Variants in TCOF1 observed in about 807,000 individuals in gnomAD.
TCOF1 encodes treacle ribosome biogenesis factor 1, also known as treacle protein.
In TCOF1, 33 loss-of-function variants were observed where a neutral mutation model predicts 149.0. The observed-to-expected ratio is 0.22, with a 90% CI of 0.17 to 0.30. The LOEUF is 0.30. Among genes scored for constraint, TCOF1 ranks in the 10% least tolerant of loss-of-function variants. The probability of loss-of-function intolerance (pLI) is 1.00; values close to 1 mark genes in which losing one functional copy is unlikely to be tolerated. For synonymous variants in TCOF1, 789 were observed against 738.8 expected (o/e 1.07, Z -1.10); for missense variants, 1,728 against 1,840.7 (o/e 0.94, Z 1.12).
rs376917905 is a variant in TCOF1, at chr5:150,375,157, A to C, written c.1482A>C (p.Ala494=). 2 of 1,613,298 alleles carry C rather than the reference A, an allele frequency of 1.2e-6. No homozygotes were observed. Among genetic ancestry groups the C allele is most frequent in the African/African-American group, 2.7e-5 (2 of 74,814 alleles). Residue 494 remains alanine, a synonymous_variant, in exon 10 of 27, where the codon GCA becomes GCC. Transcript: ENST00000643257. ...GAGAGGCACTGGCAGCCATGAATGC[A>C]GCTCAGGTGAGGCTGGAAGCCGCCC... ...SDREALAAMN[A]AQVKPLGKSP...
rs1766615072 is a variant in TCOF1 at position 150,387,951 on chromosome 5, G to A, written c.2909G>A (p.Gly970Asp). Residue 970 changes from glycine to aspartate, a missense_variant, in exon 18 of 27, where the codon GGC becomes GAC. This residue lies in a region of TCOF1 where 1,696 missense variants were observed against 1,765.4 expected (regional missense o/e 0.96). Transcript: ENST00000643257. ...IFVDPNRSPA[G>D]PAATPAQAQA... is the part of the protein sequence containing the mutation. ...GTCGACCCTAATCGTAGTCCAGCTG[G>A]CCCAGCTGCTACACCCGCACAAGCC... 5 of 1,613,842 alleles carry A rather than the reference G, an allele frequency of 3.1e-6. No individual in the cohort carries two copies. The highest frequency in any genetic ancestry group is 1.3e-5 in the African/African-American group (1 of 74,888).
intron 14 of TCOF1, among the ~76,000 whole-genome samples, chr5:150,376,864 CTG>C (rs775010675): frequency 9.2e-5 from 14 of 152,246 alleles, no homozygotes; most frequent in Non-Finnish European, 1.9e-4. Context: ...TTCACAAGCT[CTG>C]GAGTTCCCAC....
At position 150,379,738 on chromosome 5, in the gene TCOF1, A is replaced by G. The variant is rs981874282; in HGVS notation, c.2859+6A>G. ...CAGCTGTGACCTCTGCCCAGGTAAG[A>G]CTTGCCAGGCCTCTGAGCCACCAAC... On this transcript the variant is annotated splice_donor_region_variant and intron_variant, in intron 17 of 26. Transcript: ENST00000643257. 18 of 1,613,310 alleles carry G rather than the reference A, an allele frequency of 1.1e-5. No homozygotes were observed. The highest frequency in any genetic ancestry group is 1.7e-5 in the Admixed American group (1 of 59,910).
At chr5:150,374,019 G>A (rs1367938849) in intron 7 of TCOF1, among the ~76,000 whole-genome samples, 155 bp from the exon 8 acceptor site, 4 of 152,134 alleles carry the variant, frequency 2.6e-5, no homozygotes, top group Admixed American at 2.6e-4. Flanking sequence ...GAAACCAGGA[G>A]GCCAGTGTGG....
chr5:150,380,070 C>CTAA, intron 17 of TCOF1: 1 of 97,186 alleles, frequency 1.0e-5, no homozygotes, highest in East Asian at 2.4e-4. Flanking sequence ...GAGACTGTCT[C>CTAA]AAAAAAAAAA....
At chr5:150,387,801 A>G in intron 17 of TCOF1, 101 bp from the exon 18 acceptor site, 1 of 1,534,400 alleles carries the variant, frequency 6.5e-7, no homozygotes, top group African/African-American at 1.4e-5. Context: ...CCCTGAGCTC[A>G]GTGGACCCTT....
intron 23 of TCOF1, 72 bp from the exon 24 acceptor site, chr5:150,396,210 T>G: frequency 6.4e-7 from 1 of 1,560,902 alleles, no homozygotes; most frequent in African/African-American, 1.4e-5. Context: ...CTGCACCCTC[T>G]TCGCTCTTAG....
intron 2 of TCOF1, among the ~76,000 whole-genome samples, chr5:150,363,301 G>A (rs1466201071): frequency 1.3e-5 from 2 of 152,162 alleles, no homozygotes; most frequent in African/African-American, 4.8e-5. Flanking sequence ...GCTTTCCTGG[G>A]AACAAGGGAC....
chr5:150,365,652 TAATC>T (rs900861425), intron 3 of TCOF1, among the ~76,000 whole-genome samples: 2 of 152,174 alleles, frequency 1.3e-5, no homozygotes, highest in African/African-American at 4.8e-5. Context: ...TATTTGGTAT[TAATC>T]AATTTTATAA....
Position 150,376,121 on chromosome 5 carries a change from C to T in TCOF1, c.1933C>T (p.Pro645Ser). ...ALKIPQTKAC[P>S]KKTNTTASAK... ...GAAAATTCCTCAGACCAAGGCCTGCCCAAAGAAAACCAATACCACTGCATC... is the reference window on the plus strand; with the variant it reads ...GAAAATTCCTCAGACCAAGGCCTGCTCAAAGAAAACCAATACCACTGCATC... The change falls in exon 13 of 27, where the codon CCA becomes TCA. Residue 645 changes from proline (P) to serine (S), a missense_variant. Pro to Ser is a moderately conservative substitution (Grantham distance 74). This residue lies in a region of TCOF1 where 1,696 missense variants were observed against 1,765.4 expected (regional missense o/e 0.96). Transcript: ENST00000643257. 2 of 1,614,216 alleles carry T rather than the reference C, an allele frequency of 1.2e-6. No homozygotes were observed. Among genetic ancestry groups the T allele is most frequent in the Non-Finnish European group, 1.7e-6 (2 of 1,180,044 alleles).
intron 17 of TCOF1, chr5:150,382,975 C>A: frequency 9.1e-7 from 1 of 1,101,360 alleles, no homozygotes; most frequent in Non-Finnish European, 1.3e-6. Flanking sequence ...AACCAGAGTG[C>A]CTGAGGGTCA....
intron 1 of TCOF1, among the ~76,000 whole-genome samples, chr5:150,359,600 T>G (rs1026790771): frequency 7.9e-5 from 12 of 152,154 alleles, no homozygotes; most frequent in African/African-American, 2.7e-4. Flanking sequence ...TAAAGGGTGA[T>G]GGGCCCTAAG....
chr5:150,374,576 G>A (rs749626536), intron 8 of TCOF1, 41 bp from the exon 9 acceptor site: 129 of 1,611,850 alleles, frequency 8.0e-5, no homozygotes, highest in Admixed American at 1.5e-4. Context: ...CTCCTCACAC[G>A]TCCATCCTCT....
chr5:150,395,922 CCTT>C (rs1768405025), intron 23 of TCOF1, among the ~76,000 whole-genome samples: 1 of 152,210 alleles, frequency 6.6e-6, no homozygotes, highest in African/African-American at 2.4e-5. Context: ...ACCCAGGTCT[CCTT>C]CCTCCCAGCT....
chr5:150,389,560 G>A (rs1023885112), intron 18 of TCOF1, among the ~76,000 whole-genome samples: 5 of 152,212 alleles, frequency 3.3e-5, no homozygotes, highest in African/African-American at 1.2e-4. Flanking sequence ...TAGGAGAGAC[G>A]ATTTTAACTG....
At chr5:150,390,131 A>T in intron 19 of TCOF1, 108 bp downstream of exon 19, 2 of 1,506,026 alleles carry the variant, frequency 1.3e-6, no homozygotes, top group Non-Finnish European at 1.8e-6. Context: ...TCACGCCCAC[A>T]CTCCAGAGGT....
At position 150,379,299 on chromosome 5, in the gene TCOF1, T is replaced by G; in HGVS notation, c.2549T>G (p.Val850Gly). 6.2e-7 allele frequency: 1 copy of G among 1,614,132 alleles called. No individual in the cohort carries two copies. The highest frequency in any genetic ancestry group is 8.5e-7 in the Non-Finnish European group (1 of 1,180,020). ...AGGGGCCCAGCATCTGTGCCATCTG[T>G]GGGGAAGGCCGTGGCTACAGCAGCT... ...LARGPASVPS[V>G]GKAVATAAQA... Residue 850 changes from valine (V) to glycine (G), a missense_variant, in exon 16 of 27, where the codon GTG (valine) becomes GGG (glycine). Around this residue, in one of 2 missense-constraint regions of TCOF1, gnomAD observed 1,696 missense variants for 1,765.4 expected, o/e 0.96. Coordinates refer to ENST00000643257, the MANE Select transcript of TCOF1 (RefSeq NM_001371623.1).
intron 18 of TCOF1, among the ~76,000 whole-genome samples, 180 bp from the exon 19 acceptor site, chr5:150,389,707 G>A (rs1767019249): frequency 6.6e-6 from 1 of 152,248 alleles, no homozygotes; most frequent in Non-Finnish European, 1.5e-5. Context: ...CTTGTCAAAT[G>A]ACATAATGAC....
intron 14 of TCOF1, 136 bp downstream of exon 14, chr5:150,376,756 C>G: frequency 1.1e-6 from 1 of 881,678 alleles, no homozygotes; most frequent in Non-Finnish European, 1.8e-6. Flanking sequence ...AGCTTCCTTC[C>G]CTATCTTTCA....
Sources: allele counts gnomAD v4.1 joint callset (sites outside exome capture counted in the v4.1 genomes callset), GRCh38; gene constraint gnomAD v4.1.1; regional missense constraint gnomAD v4.1.1; transcripts MANE v1.5; gene names NCBI Gene and HGNC (gene_info 2026-07-23, HGNC 2026-07-21).